Variants in RABGAP1L observed in about 807,000 individuals in gnomAD.
RABGAP1L encodes the protein RAB GTPase activating protein 1 like, also known as rab GTPase-activating protein 1-like.
Under a neutral mutation model 137.7 loss-of-function variants are expected in RABGAP1L, and 63 were observed. The observed-to-expected ratio is 0.46, with a 90% confidence interval of 0.37 to 0.56. The LOEUF is 0.56. Among genes scored for constraint, RABGAP1L ranks in the 20% least tolerant of loss-of-function variants. RABGAP1L has a pLI of 0.00. For missense variants in RABGAP1L, 1,095 were observed against 1,244.0 expected (o/e 0.88, Z 1.80); for synonymous variants, 431 against 433.7 (o/e 0.99, Z 0.08).
intron 19 of RABGAP1L, among the ~76,000 whole-genome samples, chr1:174,909,424 A>G (rs1659696047): frequency 6.6e-6 from 1 of 152,104 alleles, no homozygotes; most frequent in Non-Finnish European, 1.5e-5. Flanking sequence ...ATGAAGTATC[A>G]CTGTGTTGCT....
Position 174,448,986 on chromosome 1 carries a change from T to C in RABGAP1L, c.1710+54841T>C. 2 of 1,613,272 alleles carry C rather than the reference T, an allele frequency of 1.2e-6. No individual in the cohort carries two copies. Among genetic ancestry groups the C allele is most frequent in the African/African-American group, 2.7e-5 (2 of 75,008 alleles). On this transcript the variant is annotated intron_variant, in intron 13 of 25. Coordinates refer to ENST00000681986, the MANE Select transcript of RABGAP1L (RefSeq NM_001366446.1). The surrounding 1 kb of genome is among the most constrained non-coding windows in gnomAD (Gnocchi z 4.2). ...TACTTTCTTCTAGAAAGCTCCCGGG[T>C]CTTGGACAATCCAACTCTGTCCTTC...
At chr1:174,739,145 G>A (rs1683185272) in intron 17 of RABGAP1L, among the ~76,000 whole-genome samples, 1 of 152,050 alleles carries the variant, frequency 6.6e-6, no homozygotes. Context: ...CATTAGATAG[G>A]TACCTTTCTC....
In RABGAP1L at chr1:174,274,820, G is replaced by T. The variant is rs547713081; in HGVS notation, c.1054-1013G>T. Among the ~76,000 whole-genome samples the T allele has an allele frequency of 4.5e-4, 69 of 152,110 alleles. 1 individual carries two copies. The highest frequency in any genetic ancestry group is 1.6e-3 in the African/African-American group (66 of 41,496). On this transcript the variant is annotated intron_variant, in intron 8 of 25. Transcript: ENST00000681986. ...AAAATATACATAGTAATTACCAAATGACTGACACAATTTTATAGGGGGTTC... is the reference window on the plus strand; with the variant it reads ...AAAATATACATAGTAATTACCAAATTACTGACACAATTTTATAGGGGGTTC...
intron 13 of RABGAP1L, among the ~76,000 whole-genome samples, chr1:174,477,486 A>T (rs911439864): frequency 1.3e-5 from 2 of 152,190 alleles, no homozygotes; most frequent in African/African-American, 4.8e-5. Flanking sequence ...AAAATTTTCA[A>T]TTTAGTGTTG....
chr1:174,895,516 A>T (rs902021037), intron 19 of RABGAP1L, among the ~76,000 whole-genome samples: 1 of 151,390 alleles, frequency 6.6e-6, no homozygotes, highest in Non-Finnish European at 1.5e-5. Context: ...ATATGTATAC[A>T]TGTGCCATGT....
At chr1:174,245,068 A>G (rs971802661) in intron 5 of RABGAP1L, 1 of 152,216 alleles carries the variant, frequency 6.6e-6, no homozygotes, top group Non-Finnish European at 1.5e-5. Context: ...TGTTCCTTGC[A>G]TGGGAAAATT....
intron 11 of RABGAP1L, among the ~76,000 whole-genome samples, chr1:174,330,829 G>GA (rs962203911): frequency 6.6e-6 from 1 of 151,314 alleles, no homozygotes; most frequent in South Asian, 2.1e-4. Flanking sequence ...CACAGAAATA[G>GA]AAAAAAAAAT....
chr1:174,867,996 T>G (rs1472953611), intron 19 of RABGAP1L, among the ~76,000 whole-genome samples: 1 of 151,958 alleles, frequency 6.6e-6, no homozygotes, highest in Non-Finnish European at 1.5e-5. Flanking sequence ...GATGGAGTCT[T>G]GCTCCGTCGC....
intron 4 of RABGAP1L, among the ~76,000 whole-genome samples, chr1:174,240,540 G>A (rs959025904): frequency 2.6e-5 from 4 of 152,238 alleles, no homozygotes; most frequent in Admixed American, 1.3e-4. Flanking sequence ...GAGCCACTGC[G>A]CCCAACCAGG....
chr1:174,241,392 C>A (rs1671811994), intron 4 of RABGAP1L, 91 bp from the exon 5 acceptor site: 2 of 839,084 alleles, frequency 2.4e-6, no homozygotes, highest in African/African-American at 3.5e-5. Context: ...ACTATTTGTT[C>A]TTTTTTTTTA....
chr1:174,467,972 G>T (rs1657495666), intron 13 of RABGAP1L, among the ~76,000 whole-genome samples: 1 of 152,038 alleles, frequency 6.6e-6, no homozygotes, highest in Admixed American at 6.5e-5. Context: ...TAGCATTTTA[G>T]AAATATTATA....
At chr1:174,388,516 T>G (rs1246916653) in intron 12 of RABGAP1L, among the ~76,000 whole-genome samples, 1 of 151,826 alleles carries the variant, frequency 6.6e-6, no homozygotes, top group Admixed American at 6.6e-5. Context: ...AGAAAACATT[T>G]GGGATAGGAG....
intron 13 of RABGAP1L, among the ~76,000 whole-genome samples, chr1:174,463,902 A>T (rs2149288897): frequency 6.6e-6 from 1 of 152,238 alleles, no homozygotes; most frequent in East Asian, 1.9e-4. Flanking sequence ...ATCTAATTTG[A>T]TATAATCCAG....
At chr1:174,314,521 G>T (rs1040780514) in intron 11 of RABGAP1L, among the ~76,000 whole-genome samples, 1 of 151,804 alleles carries the variant, frequency 6.6e-6, no homozygotes, top group African/African-American at 2.4e-5. Flanking sequence ...ATCTTTATTA[G>T]CTCTTTCCTT....
rs555903604 is a variant in RABGAP1L at position 174,925,046 on chromosome 1, A to G, written c.2341-32411A>G. ...GAGTGATCCATCCACATGGCTAGAT[A>G]GAGGGAAGAATTTTCAAAAGAGAAA... On this transcript the variant is annotated intron_variant, in intron 19 of 25. Coordinates refer to ENST00000681986, the MANE Select transcript of RABGAP1L (RefSeq NM_001366446.1). Among the ~76,000 whole-genome samples the G allele has an allele frequency of 4.6e-5, 7 of 152,218 alleles. No individual in the cohort carries two copies. The South Asian group carries it at 1.5e-3, about 32-fold the overall frequency.
Position 174,761,230 on chromosome 1 carries a change from A to T in RABGAP1L, c.2211+8876A>T, listed in dbSNP as rs1010024621. ...AACTCTTGTTTTTATTTATTTATTTATTTTTTAATTTAAAAGTAAACTTTA... is the reference window on the plus strand; with the variant it reads ...AACTCTTGTTTTTATTTATTTATTTTTTTTTTAATTTAAAAGTAAACTTTA... On this transcript the variant is annotated intron_variant, in intron 18 of 25. Coordinates refer to ENST00000681986, the MANE Select transcript of RABGAP1L (RefSeq NM_001366446.1). The surrounding 1 kb of genome is among the most constrained non-coding windows in gnomAD (Gnocchi z 4.0). 2.6e-5 allele frequency among the ~76,000 whole-genome samples: 4 copies of T among 151,976 alleles called. No homozygotes were observed. Among genetic ancestry groups the T allele is most frequent in the South Asian group, 2.1e-4 (1 of 4,810 alleles).
At chr1:174,494,768 T>C (rs888480450) in intron 13 of RABGAP1L, among the ~76,000 whole-genome samples, 4 of 152,172 alleles carry the variant, frequency 2.6e-5, no homozygotes, top group Non-Finnish European at 5.9e-5. Context: ...CCCTGGAACC[T>C]AGGTTACTAG....
At chr1:174,737,741 G>T (rs1683074721) in intron 17 of RABGAP1L, among the ~76,000 whole-genome samples, 1 of 152,188 alleles carries the variant, frequency 6.6e-6, no homozygotes, top group Non-Finnish European at 1.5e-5. Flanking sequence ...GTTTCTGCAA[G>T]CTGTACAGGC....
intron 18 of RABGAP1L, among the ~76,000 whole-genome samples, chr1:174,784,008 C>CT (rs1687247512): frequency 9.0e-6 from 1 of 111,182 alleles, no homozygotes; most frequent in African/African-American, 3.7e-5. Context: ...TCTTCTTCTT[C>CT]TTCTTTTTTT....
Sources: gnomAD v4.1 joint callset for allele counts (sites outside exome capture counted in the v4.1 genomes callset) on GRCh38, gnomAD v4.1.1 for gene constraint, Gnocchi (gnomAD v3.1) non-coding constraint, MANE v1.5 for transcripts, NCBI Gene and HGNC (gene_info 2026-07-23, HGNC 2026-07-21) for gene names.